The following PIK3R3 variants were observed in gnomAD, a reference collection of about 807,000 sequenced individuals.
PIK3R3 encodes the protein phosphoinositide-3-kinase regulatory subunit 3, also known as phosphatidylinositol 3-kinase regulatory subunit gamma.
PIK3R3 carries 64 observed loss-of-function variants against 62.9 expected under a neutral mutation model. The observed-to-expected ratio is 1.02, with a 90% CI of 0.83 to 1.25. The LOEUF (loss-of-function observed/expected upper bound fraction) is 1.25, where lower values mean the gene tolerates loss of function less well. Ranked by LOEUF, PIK3R3 falls within the 50% of genes most tolerant of loss-of-function variation. PIK3R3 has a pLI of 0.00. For synonymous variants in PIK3R3, 165 were observed against 189.0 expected, an observed-to-expected ratio of 0.87 and a Z score of 1.04; for missense variants, 614 against 561.6, an observed-to-expected ratio of 1.09 and a Z score of -0.94.
chr1:46,071,757 A>AGAGAGC (rs1230737377), intron 3 of PIK3R3, among the ~76,000 whole-genome samples: 3 of 128,252 alleles, frequency 2.3e-5, no homozygotes, highest in African/African-American at 9.0e-5. Flanking sequence ...AGAGAGAGAG[A>AGAGAGC]GAGCGCGCGC....
At chr1:46,087,465 C>T (rs1350472603) in intron 1 of PIK3R3, among the ~76,000 whole-genome samples, 1 of 151,930 alleles carries the variant, frequency 6.6e-6, no homozygotes, top group African/African-American at 2.4e-5. Flanking sequence ...GTTACCTAAA[C>T]AATGAGCTGT....
At chr1:46,165,768 T>A in the PIK3R3 span, among the ~76,000 whole-genome samples, 1 of 71,142 alleles carries the variant, frequency 1.4e-5, no homozygotes, top group Admixed American at 1.4e-4. Flanking sequence ...TTTTTTTTTT[T>A]TTTTTTTTTT....
chr1:46,073,284 C>T (rs374109215), intron 3 of PIK3R3, among the ~76,000 whole-genome samples: 2 of 152,102 alleles, frequency 1.3e-5, no homozygotes, highest in African/African-American at 4.8e-5. Context: ...ACCCTGGAAT[C>T]CAGTTATTCC....
At chr1:46,122,517 G>A (rs142871746) in intron 1 of PIK3R3, among the ~76,000 whole-genome samples, 6,140 of 152,056 alleles carry the variant, frequency 0.04, 421 homozygotes, top group African/African-American at 0.14. Context: ...CTACAGGCGC[G>A]CCACCACGCC....
At chr1:46,098,816 T>C (rs761209500) in intron 1 of PIK3R3, among the ~76,000 whole-genome samples, 11 of 152,196 alleles carry the variant, frequency 7.2e-5, no homozygotes, top group Non-Finnish European at 1.5e-4. Flanking sequence ...TCCTCCCACA[T>C]TGGCCTTCCA....
At chr1:46,123,575 C>T (rs1292799781) in intron 1 of PIK3R3, among the ~76,000 whole-genome samples, 3 of 152,136 alleles carry the variant, frequency 2.0e-5, no homozygotes, top group Admixed American at 2.0e-4. Context: ...TAGAACTAAC[C>T]TGTCTGAAGA....
At position 46,046,605 on chromosome 1, in the gene PIK3R3, A is replaced by C; in HGVS notation, c.962T>G (p.Val321Gly). 1 of 1,613,258 alleles carries C rather than the reference A, an allele frequency of 6.2e-7. No individual in the cohort carries two copies. Among genetic ancestry groups the C allele is most frequent in the African/African-American group, 1.3e-5 (1 of 74,920 alleles). ...CCAGACATTCAGGCGTTTCTGTCTC[A>C]CTCCTTTGTGATTGAGCCATCTGCC... ...QHLVWLNHKGVRQKRLNVWLG... is the reference protein window; with the variant it reads ...QHLVWLNHKGGRQKRLNVWLG... Residue 321 changes from valine to glycine, a missense_variant, in exon 8 of 10, where the codon GTG becomes GGG. Physicochemically the swap from Val to Gly is moderately radical, Grantham distance 109. Coordinates refer to ENST00000262741, the MANE Select transcript of PIK3R3 (RefSeq NM_003629.4).
chr1:46,073,850 A>G (rs811485), intron 3 of PIK3R3, among the ~76,000 whole-genome samples: 139,547 of 144,812 alleles, frequency 0.96, 67,269 homozygotes, highest in East Asian at 0.99. Context: ...TGGCCAGGCT[A>G]GTCTCTAACT....
At position 46,074,286 on chromosome 1, in the gene PIK3R3, C is replaced by CAAAAAA. The variant is rs1179172400; in HGVS notation, c.314+3223_314+3228dup. ...CCTGGGCGACAGAGCTAGACTCCGTCAAAAAAAAAAAAAAAAAAAAAAAAA... is the reference window on the plus strand; with the variant it reads ...CCTGGGCGACAGAGCTAGACTCCGTCAAAAAAAAAAAAAAAAAAAAAAAAAAAAAAA... On this transcript the variant is annotated intron_variant, in intron 3 of 9. Coordinates refer to ENST00000262741, the MANE Select transcript of PIK3R3 (RefSeq NM_003629.4). Among the ~76,000 whole-genome samples, 17 of 20,832 alleles carry CAAAAAA rather than the reference C, an allele frequency of 8.2e-4. 2 individuals carry two copies. The highest frequency in any genetic ancestry group is 1.3e-3 in the Non-Finnish European group (15 of 11,532). The allele number at this position is 20,832 out of a possible 152,430, so 13.7% of individuals were successfully genotyped here. A position where few individuals can be genotyped will look rare whatever the true frequency, so the allele number is the denominator to read the frequency against.
chr1:46,082,555 TG>T (rs1650697659), intron 1 of PIK3R3, among the ~76,000 whole-genome samples: 1 of 152,214 alleles, frequency 6.6e-6, no homozygotes, highest in Non-Finnish European at 1.5e-5. Context: ...ATTGTGCTTC[TG>T]TAGGAAAATG....
At chr1:46,166,984 G>T in the PIK3R3 span, among the ~76,000 whole-genome samples, 35 of 152,354 alleles carry the variant, frequency 2.3e-4, no homozygotes, top group African/African-American at 8.4e-4. Context: ...GGCTCAGGAG[G>T]TCCTTCAAGA....
chr1:46,169,877 C>T, the PIK3R3 span, among the ~76,000 whole-genome samples: 3 of 152,162 alleles, frequency 2.0e-5, no homozygotes, highest in Non-Finnish European at 2.9e-5. Context: ...GAATAACCAG[C>T]CCCAAAGATT....
At chr1:46,094,451 A>G (rs1419276646) in intron 1 of PIK3R3, among the ~76,000 whole-genome samples, 1 of 152,242 alleles carries the variant, frequency 6.6e-6, no homozygotes, top group African/African-American at 2.4e-5. Flanking sequence ...TTGAAAGCCT[A>G]AAAATAAAAT....
chr1:46,053,022 TA>T (rs1647508477), intron 7 of PIK3R3, among the ~76,000 whole-genome samples: 1 of 152,208 alleles, frequency 6.6e-6, no homozygotes, highest in Non-Finnish European at 1.5e-5. Context: ...CAGGACCGAC[TA>T]TACAAATTCC....
At chr1:46,054,093 C>T (rs1647637616) in intron 7 of PIK3R3, among the ~76,000 whole-genome samples, 1 of 151,956 alleles carries the variant, frequency 6.6e-6, no homozygotes, top group African/African-American at 2.4e-5. Flanking sequence ...AATTGTTTAC[C>T]CCAAGAAATA....
At chr1:46,089,246 C>T (rs1393097414) in intron 1 of PIK3R3, among the ~76,000 whole-genome samples, 2 of 152,076 alleles carry the variant, frequency 1.3e-5, no homozygotes, top group Non-Finnish European at 2.9e-5. Context: ...ACTAGGATGA[C>T]AGCTGAAAAC....
chr1:46,152,572 T>G, the PIK3R3 span, among the ~76,000 whole-genome samples: 4 of 149,696 alleles, frequency 2.7e-5, no homozygotes, highest in Admixed American at 1.3e-4. Context: ...TTTTTTTTTT[T>G]TTTTTTTTGA....
chr1:46,130,574 A>C (rs1277852170), intron 1 of PIK3R3, among the ~76,000 whole-genome samples: 3 of 152,068 alleles, frequency 2.0e-5, no homozygotes, highest in African/African-American at 7.2e-5. Flanking sequence ...GAAAAAAAAA[A>C]CAGGATAATT....
intron 9 of PIK3R3, among the ~76,000 whole-genome samples, chr1:46,045,488 AAT>A (rs1347122886): frequency 2.6e-5 from 4 of 152,196 alleles, no homozygotes; most frequent in African/African-American, 9.7e-5. Flanking sequence ...TCAACAGAAT[AAT>A]ATGTAATTTA....
Sources: allele counts gnomAD v4.1 joint callset (sites outside exome capture counted in the v4.1 genomes callset), GRCh38; gene constraint gnomAD v4.1.1; transcripts MANE v1.5; gene names NCBI Gene and HGNC (gene_info 2026-07-23, HGNC 2026-07-21).